Variants in GALNT7 observed in about 807,000 individuals in gnomAD.
GALNT7 encodes N-acetylgalactosaminyltransferase 7.
GALNT7 carries 60 observed loss-of-function variants against 82.1 expected under a neutral mutation model. That is an observed-to-expected ratio of 0.73 (90% confidence interval 0.59 to 0.91). The LOEUF is 0.91. Among genes scored for constraint, GALNT7 ranks in the 40% least tolerant of loss-of-function variants. The pLI, the probability that GALNT7 is intolerant of heterozygous loss-of-function variation, is 0.00. For missense variants in GALNT7, 660 were observed against 804.2 expected, an observed-to-expected ratio of 0.82 and a Z score of 2.17; for synonymous variants, 243 against 275.1, an observed-to-expected ratio of 0.88 and a Z score of 1.15.
chr4:173,233,466 T>C (rs1317059533), intron 1 of GALNT7, among the ~76,000 whole-genome samples: 3 of 152,240 alleles, frequency 2.0e-5, no homozygotes, highest in Non-Finnish European at 1.5e-5. Flanking sequence ...GGTTTTGATT[T>C]GGATTTCCCT....
chr4:173,214,926 G>C (rs1052529469), intron 1 of GALNT7, among the ~76,000 whole-genome samples: 1 of 152,044 alleles, frequency 6.6e-6, no homozygotes, highest in South Asian at 2.1e-4. Context: ...CTACGGTCGT[G>C]CTTCAGGAAT....
At chr4:173,311,140 T>G (rs1737366536) in intron 8 of GALNT7, among the ~76,000 whole-genome samples, 1 of 152,234 alleles carries the variant, frequency 6.6e-6, no homozygotes, top group Non-Finnish European at 1.5e-5. Flanking sequence ...CTTTTCTCTT[T>G]GCCCTGAATA....
At chr4:173,248,940 TC>T (rs59712232) in intron 2 of GALNT7, among the ~76,000 whole-genome samples, 152,302 of 152,302 alleles carry the variant, frequency 1, 76,151 homozygotes, top group Non-Finnish European at 1. Context: ...TTAATTTTTT[TC>T]CCTCAGTACT....
At chr4:173,253,413 T>G (rs1734916980) in intron 2 of GALNT7, among the ~76,000 whole-genome samples, 1 of 152,144 alleles carries the variant, frequency 6.6e-6, no homozygotes, top group South Asian at 2.1e-4. Flanking sequence ...TCACAGAGTC[T>G]ACATTGAATC....
chr4:173,229,778 T>A (rs1269878477), intron 1 of GALNT7, among the ~76,000 whole-genome samples: 1 of 152,190 alleles, frequency 6.6e-6, no homozygotes, highest in African/African-American at 2.4e-5. Flanking sequence ...ATTATCGTAG[T>A]CTTTGTAGTC....
intron 3 of GALNT7, among the ~76,000 whole-genome samples, chr4:173,294,343 G>A (rs547101755): frequency 1.6e-3 from 246 of 151,462 alleles, no homozygotes; most frequent in African/African-American, 5.7e-3. Context: ...GATTAAGCAC[G>A]AGAATTTTAT....
chr4:173,177,517 A>G (rs1434066850), intron 1 of GALNT7, among the ~76,000 whole-genome samples: 1 of 152,160 alleles, frequency 6.6e-6, no homozygotes, highest in Non-Finnish European at 1.5e-5. Context: ...GTGTGTATTA[A>G]GAAGAAACAT....
At chr4:173,240,669 G>A (rs533136643) in intron 1 of GALNT7, among the ~76,000 whole-genome samples, 3 of 152,166 alleles carry the variant, frequency 2.0e-5, no homozygotes, top group South Asian at 2.1e-4. Context: ...GTGCCCAGCC[G>A]AAACTAAGAC....
intron 4 of GALNT7, 94 bp downstream of exon 4, chr4:173,295,620 A>G: frequency 7.6e-7 from 1 of 1,311,814 alleles, no homozygotes. Context: ...TTTAATTGAA[A>G]TGAGAATGCT....
intron 1 of GALNT7, among the ~76,000 whole-genome samples, chr4:173,201,410 C>T (rs908200412): frequency 2.0e-5 from 3 of 152,016 alleles, no homozygotes; most frequent in African/African-American, 4.8e-5. Flanking sequence ...TTTCCAAGTA[C>T]TTGCTGTTCT....
chr4:173,321,808 T>A lies in GALNT7; in HGVS notation c.*91T>A. On this transcript the variant is annotated 3_prime_UTR_variant, in exon 12 of 12. Transcript: ENST00000265000. ...TGAAACCTGCTGCAACTATTGTTAT[T>A]AACTCTGTATAGCTCCAAACCTGGA... 1 of 798,872 alleles carries A rather than the reference T, an allele frequency of 1.3e-6. No homozygotes were observed. Among genetic ancestry groups the A allele is most frequent in the Non-Finnish European group, 2.1e-6 (1 of 483,350 alleles). 49.5% of individuals were successfully genotyped at this position (798,872 alleles called of 1,614,324 possible). A position where few individuals can be genotyped will look rare whatever the true frequency, so the allele number is the denominator to read the frequency against.
intron 1 of GALNT7, among the ~76,000 whole-genome samples, chr4:173,212,628 C>CT (rs11414071): frequency 0.15 from 21,445 of 147,588 alleles, 1,632 homozygotes; most frequent in Non-Finnish European, 0.18. Flanking sequence ...CTTCAGTTGG[C>CT]TTTTTTTTTT....
At chr4:173,254,310 C>T (rs547727157) in intron 2 of GALNT7, among the ~76,000 whole-genome samples, 4 of 152,196 alleles carry the variant, frequency 2.6e-5, no homozygotes, top group African/African-American at 7.2e-5. Context: ...AATTCTTATA[C>T]TGTAATTTTA....
At chr4:173,295,263 A>G (rs1736680418) in intron 3 of GALNT7, 133 bp from the exon 4 acceptor site, 1 of 633,168 alleles carries the variant, frequency 1.6e-6, no homozygotes, top group Admixed American at 3.0e-5. Flanking sequence ...TTCCTTCTTG[A>G]TAAAACGTGC....
At chr4:173,268,842 T>C (rs1175024465) in intron 2 of GALNT7, among the ~76,000 whole-genome samples, 5 of 152,060 alleles carry the variant, frequency 3.3e-5, no homozygotes, top group African/African-American at 7.2e-5. Flanking sequence ...CCCGGACACT[T>C]GTTTACTCTA....
intron 1 of GALNT7, among the ~76,000 whole-genome samples, chr4:173,170,026 A>C (rs1731804154): frequency 6.6e-6 from 1 of 152,080 alleles, no homozygotes; most frequent in South Asian, 2.1e-4. Flanking sequence ...TCGGAACATT[A>C]GTTACCCGGA....
intron 1 of GALNT7, among the ~76,000 whole-genome samples, chr4:173,224,653 C>T (rs1733745884): frequency 6.6e-6 from 1 of 152,118 alleles, no homozygotes; most frequent in Non-Finnish European, 1.5e-5. Context: ...TTTTGAATTA[C>T]AATAAAATTC....
chr4:173,184,415 G>A (rs986938976), intron 1 of GALNT7, among the ~76,000 whole-genome samples: 3 of 152,020 alleles, frequency 2.0e-5, no homozygotes, highest in African/African-American at 4.8e-5. Flanking sequence ...CGACCAACAC[G>A]GCGAAACCCC....
At position 173,320,076 on chromosome 4, in the gene GALNT7, GAGAGGGAT is replaced by G. The variant is rs1326280691; in HGVS notation, c.1837-1500_1837-1493del. On this transcript the variant is annotated intron_variant, in intron 11 of 11. Transcript: ENST00000265000. The surrounding 1 kb of genome is among the most constrained non-coding windows in gnomAD (Gnocchi z 4.1). ...ACCGAACTTCATTTTTTAAGTTTTG[GAGAGGGAT>G]AGACCTTATTTGAGGAAGGTAGTGA... Among the ~76,000 whole-genome samples the G allele has an allele frequency of 6.6e-6, 1 of 152,066 alleles. No homozygotes were observed. Among genetic ancestry groups the G allele is most frequent in the African/African-American group, 2.4e-5 (1 of 41,408 alleles).
Sources: allele counts gnomAD v4.1 joint callset (sites outside exome capture counted in the v4.1 genomes callset), GRCh38; gene constraint gnomAD v4.1.1; non-coding constraint Gnocchi (gnomAD v3.1); transcripts MANE v1.5; gene names NCBI Gene and HGNC (gene_info 2026-07-23, HGNC 2026-07-21).